Variants in CALN1 observed in about 807,000 individuals in gnomAD.
CALN1 encodes calneuron 1.
Under a neutral mutation model 30.6 loss-of-function variants are expected in CALN1, and 17 were observed. That is an observed-to-expected ratio of 0.56 (90% CI 0.38 to 0.83). CALN1 has a LOEUF of 0.83. CALN1 is among the 40% of genes least tolerant of loss of function. CALN1 has a pLI of 0.00. For synonymous variants in CALN1, 156 were observed against 131.4 expected (o/e 1.19, Z -1.28); for missense variants, 291 against 354.9 (o/e 0.82, Z 1.45).
At chr7:72,333,786 G>A (rs528292612) in intron 2 of CALN1, among the ~76,000 whole-genome samples, 6 of 151,754 alleles carry the variant, frequency 4.0e-5, no homozygotes, top group Non-Finnish European at 5.9e-5. Flanking sequence ...TTTGCTGTGG[G>A]ATTCTCCTTC....
intron 6 of CALN1, among the ~76,000 whole-genome samples, chr7:71,804,246 C>T (rs901875055): frequency 4.6e-5 from 7 of 152,188 alleles, no homozygotes; most frequent in Non-Finnish European, 1.0e-4. Context: ...CAGTGGCTCA[C>T]ACCTGTAATC....
chr7:72,354,512 T>C (rs1296254490), intron 2 of CALN1, among the ~76,000 whole-genome samples: 1 of 152,184 alleles, frequency 6.6e-6, no homozygotes, highest in Admixed American at 6.5e-5. Context: ...TCAGAGAAGT[T>C]GGAAAGACTT....
intron 2 of CALN1, among the ~76,000 whole-genome samples, chr7:72,285,441 C>A (rs1798023038): frequency 6.6e-6 from 1 of 152,118 alleles, no homozygotes; most frequent in Non-Finnish European, 1.5e-5. Flanking sequence ...GATGGGGTTT[C>A]ACCGTGTTGG....
intron 5 of CALN1, among the ~76,000 whole-genome samples, chr7:71,871,697 C>T (rs1313493618): frequency 2.0e-5 from 3 of 152,162 alleles, no homozygotes; most frequent in African/African-American, 7.2e-5. Flanking sequence ...TCCTGGAATA[C>T]TCTTCCATCA....
Position 72,353,985 on chromosome 7 carries a change from G to A in CALN1, c.119+49266C>T, listed in dbSNP as rs1332190084. On this transcript the variant is annotated intron_variant, in intron 2 of 6. Transcript: ENST00000395275. The stretch of plus-strand genomic sequence containing the variant: ...GTGGATCACCTGAAGTCAGAAGTTC[G>A]AGACCAGCCTGGCCAACATGGTGAA... Among the ~76,000 whole-genome samples the A allele has an allele frequency of 2.0e-5, 3 of 152,108 alleles. No individual in the cohort carries two copies. In the East Asian group the frequency reaches 5.8e-4, roughly 29 times the overall value.
At chr7:72,497,542 G>A in the CALN1 span, among the ~76,000 whole-genome samples, 2 of 152,306 alleles carry the variant, frequency 1.3e-5, no homozygotes, top group South Asian at 2.1e-4. Context: ...TCCTCAAAGG[G>A]CCATGCCCTG....
At chr7:72,055,877 C>T (rs1166981142) in intron 4 of CALN1, among the ~76,000 whole-genome samples, 1 of 151,988 alleles carries the variant, frequency 6.6e-6, no homozygotes, top group Non-Finnish European at 1.5e-5. Flanking sequence ...AAAAATTAGC[C>T]AGTCTTGGTG....
At position 72,016,069 on chromosome 7, in the gene CALN1, T is replaced by C. The variant is rs184871313; in HGVS notation, c.501+7588A>G. Reference sequence around the variant, plus strand: ...TTCCAGACCAGCCTGGCCAACACGGTGAAACCCCGTCTCTAACAAAAACAC... The same window carrying C: ...TTCCAGACCAGCCTGGCCAACACGGCGAAACCCCGTCTCTAACAAAAACAC... On this transcript the variant is annotated intron_variant, in intron 5 of 6. Transcript: ENST00000395275. 7.4e-3 allele frequency among the ~76,000 whole-genome samples: 1,129 copies of C among 152,014 alleles called. 15 individuals carry two copies. The highest frequency in any genetic ancestry group is 0.026 in the African/African-American group (1,083 of 41,466).
chr7:71,951,669 G>A (rs933056583), intron 5 of CALN1, among the ~76,000 whole-genome samples: 1 of 152,168 alleles, frequency 6.6e-6, no homozygotes, highest in South Asian at 2.1e-4. Flanking sequence ...GCTTCTGCAA[G>A]AACTCAGTGA....
At chr7:72,240,430 A>G (rs1345128853) in intron 3 of CALN1, among the ~76,000 whole-genome samples, 1 of 152,088 alleles carries the variant, frequency 6.6e-6, no homozygotes, top group Non-Finnish European at 1.5e-5. Context: ...CCTGACCTCA[A>G]GCAATTCTCC....
the CALN1 span, among the ~76,000 whole-genome samples, chr7:72,459,585 C>A: frequency 3.5e-3 from 509 of 146,392 alleles, 2 homozygotes; most frequent in Non-Finnish European, 5.1e-3. Context: ...ATGATGGTGC[C>A]ACTGCACTCC....
At chr7:71,837,126 G>A (rs1361200110) in intron 5 of CALN1, among the ~76,000 whole-genome samples, 3 of 151,160 alleles carry the variant, frequency 2.0e-5, no homozygotes, top group Admixed American at 2.0e-4. Context: ...CAGCTATTCA[G>A]GAGGCTGAGG....
intron 5 of CALN1, among the ~76,000 whole-genome samples, chr7:71,958,919 C>T (rs912433438): frequency 6.6e-6 from 1 of 152,230 alleles, no homozygotes; most frequent in Non-Finnish European, 1.5e-5. Context: ...AGATCAGACC[C>T]TCAGATCACT....
intron 5 of CALN1, among the ~76,000 whole-genome samples, chr7:71,890,366 T>C (rs558099832): frequency 1.3e-5 from 2 of 152,296 alleles, no homozygotes; most frequent in South Asian, 4.1e-4. Flanking sequence ...TACTTGTTTA[T>C]AAGGTGTGGG....
At chr7:72,025,405 T>A (rs1046439301) in intron 4 of CALN1, among the ~76,000 whole-genome samples, 2 of 152,216 alleles carry the variant, frequency 1.3e-5, no homozygotes, top group African/African-American at 4.8e-5. Context: ...GATTGTCAGT[T>A]CTGCAAGGTC....
At chr7:72,421,225 C>A (rs773539859) in intron 1 of CALN1, among the ~76,000 whole-genome samples, 1 of 152,138 alleles carries the variant, frequency 6.6e-6, no homozygotes, top group Non-Finnish European at 1.5e-5. Flanking sequence ...CCATCACATA[C>A]TGTACCCAAG....
intron 5 of CALN1, among the ~76,000 whole-genome samples, chr7:71,973,539 G>A (rs1797954573): frequency 6.6e-6 from 1 of 152,192 alleles, no homozygotes; most frequent in Admixed American, 6.5e-5. Context: ...GGGTAAGCCA[G>A]AAGATACGTA....
At chr7:72,284,446 T>A (rs1386081357) in intron 2 of CALN1, among the ~76,000 whole-genome samples, 2 of 152,202 alleles carry the variant, frequency 1.3e-5, no homozygotes, top group African/African-American at 2.4e-5. Flanking sequence ...GATGTGTCTG[T>A]GAGGGTGTTG....
chr7:72,102,557 T>C (rs1806753659), intron 4 of CALN1, among the ~76,000 whole-genome samples: 1 of 152,050 alleles, frequency 6.6e-6, no homozygotes, highest in Non-Finnish European at 1.5e-5. Flanking sequence ...TACAGTGGAA[T>C]AGGAATATGG....
Sources: gnomAD v4.1 joint callset for allele counts (sites outside exome capture counted in the v4.1 genomes callset) on GRCh38, gnomAD v4.1.1 for gene constraint, MANE v1.5 for transcripts, NCBI Gene and HGNC (gene_info 2026-07-23, HGNC 2026-07-21) for gene names.